GALNT17: variants seen among roughly 807,000 people sequenced by gnomAD.
GALNT17 encodes polypeptide N-acetylgalactosaminyltransferase 17.
Under a neutral mutation model 63.7 loss-of-function variants are expected in GALNT17, and 29 were observed. That is an observed-to-expected ratio of 0.46 (90% CI 0.34 to 0.62). The LOEUF (loss-of-function observed/expected upper bound fraction) is 0.62. Ranked by LOEUF, GALNT17 falls within the 20% of genes least tolerant of loss-of-function variation. The probability of loss-of-function intolerance (pLI) is 0.01; values close to 1 mark genes in which losing one functional copy is unlikely to be tolerated. For missense variants in GALNT17, 603 were observed against 799.6 expected, an observed-to-expected ratio of 0.75 and a Z score of 2.97; for synonymous variants, 305 against 318.3, an observed-to-expected ratio of 0.96 and a Z score of 0.45.
intron 5 of GALNT17, among the ~76,000 whole-genome samples, chr7:71,502,937 C>T (rs1288299031): frequency 2.6e-5 from 4 of 152,124 alleles, no homozygotes; most frequent in Non-Finnish European, 4.4e-5. Context: ...ATAGGCACAC[C>T]GTGTTACTAA....
intron 5 of GALNT17, among the ~76,000 whole-genome samples, chr7:71,463,769 G>A (rs896563564): frequency 6.6e-6 from 1 of 152,162 alleles, no homozygotes; most frequent in African/African-American, 2.4e-5. Context: ...TCATGGAGCT[G>A]GTAGGAGTGT....
intron 5 of GALNT17, among the ~76,000 whole-genome samples, chr7:71,502,413 C>G (rs1478698965): frequency 1.3e-5 from 2 of 152,160 alleles, no homozygotes; most frequent in African/African-American, 4.8e-5. Flanking sequence ...GCCTGACCTT[C>G]TGGGTTTAGG....
In GALNT17 at chr7:71,377,097, AAAAT is replaced by A. The variant is rs1410045202; in HGVS notation, c.423-11134_423-11131del. On this transcript the variant is annotated intron_variant, in intron 2 of 10. Transcript: ENST00000333538. Reference sequence around the variant, plus strand: ...CGATATTCCATCTCAAAAAAAAAAAAAAATAAAAATAAAAAAAATATATATATAT... The same window carrying A: ...CGATATTCCATCTCAAAAAAAAAAAAAAAAATAAAAAAAATATATATATAT... 4.6e-4 allele frequency among the ~76,000 whole-genome samples: 30 copies of A among 65,264 alleles called. 3 individuals are homozygous for A. The highest frequency in any genetic ancestry group is 2.7e-3 in the African/African-American group (29 of 10,632). The allele number at this position is 65,264 out of a possible 152,430, so 42.8% of individuals were successfully genotyped here.
chr7:71,568,391 T>G (rs1346448651), intron 5 of GALNT17, among the ~76,000 whole-genome samples: 1 of 152,208 alleles, frequency 6.6e-6, no homozygotes, highest in Non-Finnish European at 1.5e-5. Flanking sequence ...GACAGGAAAT[T>G]GCTAAATAAA....
intron 10 of GALNT17, among the ~76,000 whole-genome samples, chr7:71,711,740 C>G (rs1029890372): frequency 6.7e-6 from 1 of 149,546 alleles, no homozygotes; most frequent in African/African-American, 2.5e-5. Context: ...CCCCTCCTCC[C>G]TTTCTTTGTC....
intron 6 of GALNT17, among the ~76,000 whole-genome samples, chr7:71,621,937 G>A (rs898696074): frequency 1.3e-5 from 2 of 152,198 alleles, no homozygotes; most frequent in African/African-American, 4.8e-5. Context: ...CACCAACAAA[G>A]AGAATATCAT....
chr7:71,332,907 C>T (rs1025913853), intron 1 of GALNT17, among the ~76,000 whole-genome samples: 2 of 152,194 alleles, frequency 1.3e-5, no homozygotes, highest in African/African-American at 4.8e-5. Context: ...AGGCTGGTCC[C>T]GAACTCCTGA....
chr7:71,153,386 A>G (rs982632679), intron 1 of GALNT17, among the ~76,000 whole-genome samples: 1 of 152,208 alleles, frequency 6.6e-6, no homozygotes, highest in Non-Finnish European at 1.5e-5. Flanking sequence ...GCTCTTTGGA[A>G]CAAGACATTT....
intron 2 of GALNT17, among the ~76,000 whole-genome samples, chr7:71,359,877 G>T (rs1055056575): frequency 6.6e-6 from 1 of 152,048 alleles, no homozygotes; most frequent in African/African-American, 2.4e-5. Flanking sequence ...TCCAATCCAG[G>T]GTTGATTTCC....
At chr7:71,183,453 G>A (rs572754853) in intron 1 of GALNT17, among the ~76,000 whole-genome samples, 1 of 152,196 alleles carries the variant, frequency 6.6e-6, no homozygotes, top group South Asian at 2.1e-4. Flanking sequence ...CTTCCTGGGG[G>A]TATTGAATTC....
intron 5 of GALNT17, among the ~76,000 whole-genome samples, chr7:71,483,897 C>T (rs907013719): frequency 1.2e-4 from 18 of 152,038 alleles, no homozygotes; most frequent in South Asian, 4.2e-4. Context: ...TCCCTAAAAA[C>T]GAAGACACGA....
At chr7:71,706,673 G>T (rs1791725690) in intron 9 of GALNT17, among the ~76,000 whole-genome samples, 1 of 152,116 alleles carries the variant, frequency 6.6e-6, no homozygotes, top group Non-Finnish European at 1.5e-5. Flanking sequence ...ACTAATTGGG[G>T]TTTAAAGCAC....
chr7:71,646,630 A>T (rs1002539008), intron 6 of GALNT17, among the ~76,000 whole-genome samples: 2 of 152,186 alleles, frequency 1.3e-5, no homozygotes, highest in Non-Finnish European at 2.9e-5. Flanking sequence ...CTTGGCTGTA[A>T]CAAAAGCAAG....
intron 5 of GALNT17, among the ~76,000 whole-genome samples, chr7:71,518,266 T>C (rs78360014): frequency 0.047 from 7,210 of 152,294 alleles, 339 homozygotes; most frequent in African/African-American, 0.12. Flanking sequence ...GGCATCTTCT[T>C]TCTTATTTTC....
intron 1 of GALNT17, among the ~76,000 whole-genome samples, chr7:71,334,063 A>G (rs771590698): frequency 2.0e-5 from 3 of 152,258 alleles, no homozygotes; most frequent in Middle Eastern, 3.4e-3. Flanking sequence ...GTCTCTATGG[A>G]GATGGTGGCA....
At chr7:71,219,807 C>CT (rs1478604867) in intron 1 of GALNT17, among the ~76,000 whole-genome samples, 1 of 152,044 alleles carries the variant, frequency 6.6e-6, no homozygotes, top group Non-Finnish European at 1.5e-5. Context: ...TCTGGTGATG[C>CT]TTTGTTCTTT....
chr7:71,202,036 TG>T (rs1182067530), intron 1 of GALNT17, among the ~76,000 whole-genome samples: 1 of 152,216 alleles, frequency 6.6e-6, no homozygotes, highest in Non-Finnish European at 1.5e-5. Context: ...TTACTCCTTA[TG>T]ACATGTTTGT....
chr7:71,247,395 C>T (rs979810631), intron 1 of GALNT17, among the ~76,000 whole-genome samples: 3 of 152,114 alleles, frequency 2.0e-5, no homozygotes, highest in South Asian at 2.1e-4. Context: ...TGCTTACCTC[C>T]TTGGCAGTTG....
At chr7:71,201,255 A>ATATATATATATATATATATATAAT (rs1307446666) in intron 1 of GALNT17, among the ~76,000 whole-genome samples, 7 of 149,628 alleles carry the variant, frequency 4.7e-5, no homozygotes, top group African/African-American at 1.7e-4. Context: ...ATATATATAT[A>ATATATATATATATATATATATAAT]TAATTTGTGT....
Sources: allele counts gnomAD v4.1 joint callset (sites outside exome capture counted in the v4.1 genomes callset), GRCh38; gene constraint gnomAD v4.1.1; transcripts MANE v1.5; gene names NCBI Gene and HGNC (gene_info 2026-07-23, HGNC 2026-07-21).